ARMCX4: variants seen among roughly 807,000 people sequenced by gnomAD.
ARMCX4 encodes armadillo repeat containing X-linked 4.
A neutral mutation model predicts 34.7 loss-of-function variants in ARMCX4; 3 were observed. The ratio of observed to expected loss-of-function variants is 0.09; its 90% CI spans 0.04 to 0.22. The LOEUF is 0.22. Ranked by LOEUF, ARMCX4 falls within the 10% of genes least tolerant of loss-of-function variation. The pLI, the probability that ARMCX4 is intolerant of heterozygous loss-of-function variation, is 1.00. For synonymous variants in ARMCX4, 513 were observed against 632.8 expected (o/e 0.81, Z 2.84); for missense variants, 1,448 against 1,720.8 (o/e 0.84, Z 2.81).
Position 101,440,224 on chromosome X carries a change from G to C in ARMCX4, n.165-3828G>C, listed in dbSNP as rs1454256507. 7.1e-5 allele frequency among the ~76,000 whole-genome samples: 8 copies of C among 112,076 alleles called. No homozygotes were observed. In the Admixed American group the frequency reaches 7.6e-4, roughly 11 times the overall value. ...AGGACCCTCAGCTTCAGGTCTGTTG[G>C]AGTTTGCTGGAGGTCCACTCCAGAC... is the stretch of plus-strand genomic sequence containing the variant. On this transcript the variant is annotated intron_variant and non_coding_transcript_variant, in intron 2 of 3. Coordinates refer to the ARMCX4 transcript ENST00000430461.
chrX:101,504,664 GTGT>G (rs1322181445), intron 7 of ARMCX4, among the ~76,000 whole-genome samples: 5 of 111,406 alleles, frequency 4.5e-5, no homozygotes, highest in African/African-American at 9.8e-5. Flanking sequence ...TCTTACTCTA[GTGT>G]TGTTGTAGTA....
chrX:101,508,467 G>A (rs1160284169), intron 8 of ARMCX4, among the ~76,000 whole-genome samples: 1 of 111,165 alleles, frequency 9.0e-6, no homozygotes. Context: ...CGTGGAGATA[G>A]AGAGAGATCT....
Position 101,489,922 on chromosome X carries a change from T to G in ARMCX4, c.1333T>G (p.Leu445Val). The G allele has an allele frequency of 8.7e-7, 1 of 1,155,898 alleles. No individual in the cohort carries two copies. The highest frequency in any genetic ancestry group is 2.3e-4 in the Middle Eastern group (1 of 4,305). Residue 445 changes from leucine (L) to valine (V), a missense_variant, in exon 6 of 6, where the codon TTG (leucine) becomes GTG (valine). This residue lies in a region of ARMCX4 where 1,343 missense variants were observed against 1,540.7 expected (regional missense o/e 0.87). Transcript: ENST00000423738. ...NLRANSQVEA[L>V]PDARDKSRGN... is the part of the protein sequence containing the mutation. The stretch of plus-strand genomic sequence containing the variant: ...GAGGGCCAATTCCCAGGTTGAGGCC[T>G]TGCCTGATGCCAGGGATAAGAGCAG...
At chrX:101,513,691 A>G (rs782660152) in intron 11 of ARMCX4, among the ~76,000 whole-genome samples, 5 of 111,223 alleles carry the variant, frequency 4.5e-5, no homozygotes, top group Non-Finnish European at 9.4e-5. Flanking sequence ...ATTTTCTTTC[A>G]CTATCCATTC....
intron 2 of ARMCX4, among the ~76,000 whole-genome samples, chrX:101,431,752 C>T (rs1930029569): frequency 9.0e-6 from 1 of 111,586 alleles, no homozygotes; most frequent in Admixed American, 9.6e-5. Context: ...ATTGTGTTAG[C>T]CAGGATGGTC....
downstream of ARMCX4, among the ~76,000 whole-genome samples, chrX:101,452,539 G>GTTTGTT (rs1251237623): frequency 2.4e-4 from 27 of 111,055 alleles, no homozygotes; most frequent in Admixed American, 3.8e-4. Context: ...TTTTTGGTTT[G>GTTTGTT]TTTGTTTTTG....
downstream of ARMCX4, among the ~76,000 whole-genome samples, chrX:101,449,095 C>CG (rs1931829038): frequency 9.2e-6 from 1 of 108,162 alleles, no homozygotes; most frequent in Non-Finnish European, 1.9e-5. Flanking sequence ...TTAGTAGAGA[C>CG]GGGTTTTGCC....
Position 101,489,390 on chromosome X carries a change from G to A in ARMCX4, c.801G>A (p.Met267Ile), listed in dbSNP as rs1556007918. ...ATGCTAGGGGAAATCCCAATGGCAT[G>A]TCCAGGGAGGTGGCTGGAGTGGACA... ...TVDARGNPNG[M>I]SREVAGVDMK... is the part of the protein sequence containing the mutation. The change falls in exon 6 of 6, where the codon ATG (methionine) becomes ATA (isoleucine). Residue 267 changes from methionine (M) to isoleucine (I), a missense_variant. Around this residue, in one of 2 missense-constraint regions of ARMCX4, gnomAD observed 1,343 missense variants for 1,540.7 expected, o/e 0.87. Coordinates refer to ENST00000423738, the MANE Select transcript of ARMCX4 (RefSeq NM_001256155.3). The A allele has an allele frequency of 8.7e-7, 1 of 1,155,427 alleles. No homozygotes were observed. The highest frequency in any genetic ancestry group is 1.9e-5 in the South Asian group (1 of 52,691).
intron 11 of ARMCX4, among the ~76,000 whole-genome samples, chrX:101,529,512 A>G (rs1935069248): frequency 8.9e-6 from 1 of 112,098 alleles, no homozygotes; most frequent in South Asian, 3.7e-4. Context: ...GAGCTTCTGC[A>G]CAGCAAAAGA....
At chrX:101,427,755 C>T (rs1417795247) in intron 2 of ARMCX4, among the ~76,000 whole-genome samples, 1 of 111,245 alleles carries the variant, frequency 9.0e-6, no homozygotes, top group Admixed American at 9.6e-5. Flanking sequence ...GAGGCAAAAC[C>T]TTAGGGGCAT....
At position 101,488,880 on chromosome X, in the gene ARMCX4, C is replaced by T. The variant is rs1217372164; in HGVS notation, c.291C>T (p.His97=). 34 of 1,154,501 alleles carry T rather than the reference C, an allele frequency of 2.9e-5. No individual in the cohort carries two copies. The highest frequency in any genetic ancestry group is 3.8e-5 in the Non-Finnish European group (33 of 872,736). ...VETKATAIAI[H]RANSQAKAMV... ...CCAAGGCCACTGCTATAGCCATACA[C>T]AGAGCCAACTCTCAGGCCAAGGCAA... is the stretch of plus-strand genomic sequence containing the variant. Residue 97 remains histidine (H), a synonymous_variant, in exon 6 of 6, where the codon CAC becomes CAT. Transcript: ENST00000423738.
rs1569322863 is a variant in ARMCX4, at chrX:101,453,913, G to A, written c.-473+7869G>A. Among the ~76,000 whole-genome samples the A allele has an allele frequency of 2.7e-5, 3 of 110,827 alleles. No homozygotes were observed. In the Admixed American group the frequency reaches 2.9e-4, roughly 11 times the overall value. On this transcript the variant is annotated intron_variant and NMD_transcript_variant, in intron 4 of 15. Coordinates refer to the ARMCX4 transcript ENST00000433011. ...GGTATCTGGTGCTTGATAGGGAGGAGAGAGAGGGAGCCTGGACCATGAAGA... is the reference window on the plus strand; with the variant it reads ...GGTATCTGGTGCTTGATAGGGAGGAAAGAGAGGGAGCCTGGACCATGAAGA...
intron 4 of ARMCX4, among the ~76,000 whole-genome samples, chrX:101,455,471 A>AAG (rs782566420): frequency 9.0e-6 from 1 of 111,075 alleles, no homozygotes; most frequent in Admixed American, 9.6e-5. Flanking sequence ...ATACTCCACA[A>AAG]AGAGCATATT....
intron 8 of ARMCX4, among the ~76,000 whole-genome samples, chrX:101,506,784 G>C (rs1396191489): frequency 9.0e-6 from 1 of 110,562 alleles, no homozygotes; most frequent in East Asian, 2.8e-4. Context: ...TTCAGAACCT[G>C]GTTTTTAAAA....
chrX:101,497,919 A>G (rs1316617440), downstream of ARMCX4, among the ~76,000 whole-genome samples: 2 of 111,495 alleles, frequency 1.8e-5, no homozygotes, highest in Non-Finnish European at 3.8e-5. Flanking sequence ...AGGAATGAAA[A>G]GCTTATTATT....
intron 2 of ARMCX4, among the ~76,000 whole-genome samples, chrX:101,428,905 T>C (rs1276601608): frequency 9.7e-6 from 1 of 103,566 alleles, no homozygotes; most frequent in Non-Finnish European, 2.0e-5. Flanking sequence ...AGACAGAGCC[T>C]TTGTCACCCA....
intron 12 of ARMCX4, chrX:101,532,778 T>C (rs984926912): frequency 1.8e-5 from 2 of 111,892 alleles, no homozygotes; most frequent in Non-Finnish European, 1.9e-5. Flanking sequence ...GTAACAGCTA[T>C]GCACATCTTT....
At chrX:101,496,722 A>G (rs1556011929), downstream of ARMCX4, among the ~76,000 whole-genome samples, 1 of 111,516 alleles carries the variant, frequency 9.0e-6, no homozygotes. Flanking sequence ...TGGGATACAC[A>G]TAGAAGATCT....
chrX:101,474,487 C>T (rs1195475186), intron 4 of ARMCX4, among the ~76,000 whole-genome samples: 1 of 103,718 alleles, frequency 9.6e-6, no homozygotes, highest in African/African-American at 3.5e-5. Context: ...GATACCAAAG[C>T]CTGGCAGAGA....
Sources: gnomAD v4.1 joint callset for allele counts (sites outside exome capture counted in the v4.1 genomes callset) on GRCh38, gnomAD v4.1.1 for gene constraint, gnomAD v4.1.1 regional missense constraint, MANE v1.5 for transcripts, NCBI Gene and HGNC (gene_info 2026-07-23, HGNC 2026-07-21) for gene names.